Variants in TP63 observed in about 807,000 individuals in gnomAD.
The protein encoded by TP63 is tumor protein p63.
A neutral mutation model predicts 82.8 loss-of-function variants in TP63; 17 were observed. That is an observed-to-expected ratio of 0.21 (90% confidence interval 0.14 to 0.31). TP63 has a LOEUF of 0.31. Ranked by LOEUF, TP63 falls within the 10% of genes least tolerant of loss-of-function variation. TP63 has a pLI of 1.00. For missense variants in TP63, 648 were observed against 895.3 expected (o/e 0.72, Z 3.52); for synonymous variants, 330 against 321.7 (o/e 1.03, Z -0.28).
chr3:189,861,138 A>T (rs1266929471), intron 4 of TP63, among the ~76,000 whole-genome samples: 1 of 147,272 alleles, frequency 6.8e-6, no homozygotes, highest in Non-Finnish European at 1.5e-5. Flanking sequence ...GCATGTCTTG[A>T]GCTCCTGCCT....
At chr3:189,795,135 C>A (rs1301256063) in intron 3 of TP63, among the ~76,000 whole-genome samples, 1 of 152,040 alleles carries the variant, frequency 6.6e-6, no homozygotes, top group East Asian at 1.9e-4. Context: ...TTCTCTTCCA[C>A]ACACTAACAC....
chr3:189,711,075 G>A (rs866007380), intron 1 of TP63, among the ~76,000 whole-genome samples: 2 of 152,264 alleles, frequency 1.3e-5, no homozygotes, highest in Non-Finnish European at 2.9e-5. Flanking sequence ...TGGTTACAGT[G>A]CCCATGTCTA....
intron 1 of TP63, among the ~76,000 whole-genome samples, chr3:189,642,593 TGATTG>T (rs1711996566): frequency 6.6e-6 from 1 of 152,154 alleles, no homozygotes; most frequent in Admixed American, 6.5e-5. Flanking sequence ...AGTACCTACC[TGATTG>T]GATTGCCTTA....
chr3:189,653,612 A>C (rs1044409440), intron 1 of TP63, among the ~76,000 whole-genome samples: 3 of 152,178 alleles, frequency 2.0e-5, no homozygotes, highest in Non-Finnish European at 4.4e-5. Flanking sequence ...CTCTTTTCAA[A>C]TTTTAGTACC....
intron 4 of TP63, among the ~76,000 whole-genome samples, chr3:189,842,307 T>C (rs1043299079): frequency 6.6e-6 from 1 of 152,012 alleles, no homozygotes; most frequent in Non-Finnish European, 1.5e-5. Flanking sequence ...CCCCCACCAA[T>C]AACATCTTAA....
At chr3:189,861,483 G>A (rs988439553) in intron 4 of TP63, among the ~76,000 whole-genome samples, 2 of 152,094 alleles carry the variant, frequency 1.3e-5, no homozygotes, top group Non-Finnish European at 2.9e-5. Flanking sequence ...ATAATACAGA[G>A]GGCCTCATAA....
chr3:189,603,741 A>G, the TP63 span, among the ~76,000 whole-genome samples: 1 of 150,050 alleles, frequency 6.7e-6, no homozygotes, highest in African/African-American at 2.4e-5. Flanking sequence ...CATTTCACCT[A>G]TATAGTTTTA....
At chr3:189,793,112 A>C (rs1437060743) in intron 3 of TP63, among the ~76,000 whole-genome samples, 3 of 152,070 alleles carry the variant, frequency 2.0e-5, no homozygotes, top group Non-Finnish European at 4.4e-5. Flanking sequence ...TGCTGTTGCC[A>C]TAGATTGCAC....
intron 3 of TP63, among the ~76,000 whole-genome samples, chr3:189,755,564 C>CAGT (rs1304059092): frequency 6.6e-6 from 1 of 152,040 alleles, no homozygotes; most frequent in Non-Finnish European, 1.5e-5. Context: ...TTATTGTGTA[C>CAGT]ATATACCATG....
chr3:189,678,895 CTTAG>C (rs1170209535), intron 1 of TP63, among the ~76,000 whole-genome samples: 1 of 151,860 alleles, frequency 6.6e-6, no homozygotes, highest in Non-Finnish European at 1.5e-5. Context: ...TGATTTGTTT[CTTAG>C]TTTGGTTGTT....
chr3:189,644,103 C>T (rs1712177542), intron 1 of TP63, among the ~76,000 whole-genome samples: 1 of 152,146 alleles, frequency 6.6e-6, no homozygotes, highest in South Asian at 2.1e-4. Flanking sequence ...CTCCCATTTC[C>T]ACTTCAGGTA....
the TP63 span, among the ~76,000 whole-genome samples, chr3:189,609,988 A>G: frequency 2.0e-5 from 3 of 152,104 alleles, no homozygotes; most frequent in South Asian, 4.2e-4. Context: ...ACTAATTTAC[A>G]CTCCCACCAA....
chr3:189,772,260 G>C lies in TP63; in HGVS notation c.324+33486G>C, dbSNP rs189547424. The stretch of plus-strand genomic sequence containing the variant: ...TGTCACTGCTCAAACTGGCTTTAGA[G>C]ATCACGTACTAGCTAGCTAATGCTC... On this transcript the variant is annotated intron_variant, in intron 3 of 13. Transcript: ENST00000264731. 2.2e-4 allele frequency among the ~76,000 whole-genome samples: 34 copies of C among 152,294 alleles called. No individual in the cohort carries two copies. In the East Asian group the frequency reaches 6.4e-3, roughly 29 times the overall value.
In TP63 at chr3:189,800,480, A is replaced by T. The variant is rs1050932948; in HGVS notation, c.325-7792A>T. ...TATATCCTGTCTTTAATGAGTAAAA[A>T]AAAAAAAAAGAAAAAAAAAGCAAAT... On this transcript the variant is annotated intron_variant, in intron 3 of 13. Coordinates refer to ENST00000264731, the MANE Select transcript of TP63 (RefSeq NM_003722.5). Among the ~76,000 whole-genome samples, 3 of 151,578 alleles carry T rather than the reference A, an allele frequency of 2.0e-5. No individual in the cohort carries two copies. In the East Asian group the frequency reaches 5.8e-4, roughly 29 times the overall value.
chr3:189,861,437 G>T (rs756697395), intron 4 of TP63, among the ~76,000 whole-genome samples: 8 of 151,558 alleles, frequency 5.3e-5, no homozygotes, highest in Non-Finnish European at 1.2e-4. Context: ...GTGGGTGGGG[G>T]TGGAGGGGTA....
At chr3:189,714,050 G>A (rs1429105267) in intron 1 of TP63, among the ~76,000 whole-genome samples, 2 of 152,016 alleles carry the variant, frequency 1.3e-5, no homozygotes, top group Non-Finnish European at 2.9e-5. Context: ...AGACAAAGTT[G>A]GATTTTCCAA....
intron 1 of TP63, among the ~76,000 whole-genome samples, chr3:189,650,902 C>T (rs1208617101): frequency 6.8e-6 from 1 of 146,698 alleles, no homozygotes. Context: ...CCTAGAGATC[C>T]GGAGGGCTCA....
Position 189,641,747 on chromosome 3 carries a change from T to C in TP63, c.62+10170T>C, listed in dbSNP as rs535988773. 5.3e-4 allele frequency among the ~76,000 whole-genome samples: 80 copies of C among 152,312 alleles called. 1 individual carries two copies. The highest frequency in any genetic ancestry group is 1.9e-3 in the African/African-American group (80 of 41,578). On this transcript the variant is annotated intron_variant, in intron 1 of 13. Coordinates refer to ENST00000264731, the MANE Select transcript of TP63 (RefSeq NM_003722.5). Reference sequence around the variant, plus strand: ...GTTATACAACCACCTTTCTTTTGAATTATTTCCTTGGGATAGTTCAATGGT... The same window carrying C: ...GTTATACAACCACCTTTCTTTTGAACTATTTCCTTGGGATAGTTCAATGGT...
chr3:189,769,509 T>A lies in TP63; in HGVS notation c.324+30735T>A, dbSNP rs373857726. The stretch of plus-strand genomic sequence containing the variant: ...TATCCACTGGATGTAAGAACTATGT[T>A]TGATCTTTTCTTGGTATTCTTCCAC... On this transcript the variant is annotated intron_variant, in intron 3 of 13. Coordinates refer to ENST00000264731, the MANE Select transcript of TP63 (RefSeq NM_003722.5). Among the ~76,000 whole-genome samples the A allele has an allele frequency of 5.3e-5, 8 of 152,346 alleles. No homozygotes were observed. In the East Asian group the frequency reaches 9.6e-4, roughly 18 times the overall value.
Sources: allele counts gnomAD v4.1 joint callset (sites outside exome capture counted in the v4.1 genomes callset), GRCh38; gene constraint gnomAD v4.1.1; transcripts MANE v1.5; gene names NCBI Gene and HGNC (gene_info 2026-07-23, HGNC 2026-07-21).